NME5: variants seen among roughly 807,000 people sequenced by gnomAD.
The protein encoded by NME5 is nucleoside diphosphate kinase 5.
Under a neutral mutation model 21.6 loss-of-function variants are expected in NME5, and 18 were observed. That is an observed-to-expected ratio of 0.83 (90% CI 0.58 to 1.24). NME5 has a LOEUF of 1.24. Among genes scored for constraint, NME5 ranks in the 50% most tolerant of loss-of-function variants. The probability of loss-of-function intolerance (pLI) is 0.00; values close to 1 mark genes in which losing one functional copy is unlikely to be tolerated. For missense variants in NME5, 223 were observed against 255.4 expected (o/e 0.87, Z 0.86); for synonymous variants, 70 against 80.6 (o/e 0.87, Z 0.71).
At chr5:138,120,411 G>C (rs1751262083) in intron 4 of NME5, among the ~76,000 whole-genome samples, 1 of 151,706 alleles carries the variant, frequency 6.6e-6, no homozygotes, top group African/African-American at 2.4e-5. Context: ...TAATTTTTTT[G>C]TATTTTTTAG....
chr5:138,135,895 G>A (rs1751687427), intron 2 of NME5, among the ~76,000 whole-genome samples: 1 of 151,958 alleles, frequency 6.6e-6, no homozygotes, highest in African/African-American at 2.4e-5. Flanking sequence ...ATATTACTTT[G>A]TCTCTATCAC....
intron 2 of NME5, among the ~76,000 whole-genome samples, chr5:138,134,432 T>C (rs956820279): frequency 3.3e-5 from 5 of 151,776 alleles, no homozygotes; most frequent in Non-Finnish European, 7.4e-5. Flanking sequence ...TTAGTAGAAA[T>C]GGGGCTTCAC....
intron 5 of NME5, 34 bp from the exon 6 acceptor site, chr5:138,115,798 A>G (rs1234162775): frequency 7.0e-7 from 1 of 1,427,108 alleles, no homozygotes; most frequent in African/African-American, 1.4e-5. Context: ...TAAGTTAAGA[A>G]ACAGTTACAT....
At chr5:138,126,564 C>T (rs184117291) in intron 4 of NME5, among the ~76,000 whole-genome samples, 113 of 121,072 alleles carry the variant, frequency 9.3e-4, no homozygotes, top group Non-Finnish European at 1.7e-3. Context: ...AAGAAAATTA[C>T]AGTTTAGGAA....
At chr5:138,119,114 C>T (rs991077548) in intron 4 of NME5, among the ~76,000 whole-genome samples, 178 bp from the exon 5 acceptor site, 14 of 152,002 alleles carry the variant, frequency 9.2e-5, no homozygotes, top group Non-Finnish European at 1.9e-4. Flanking sequence ...ACTGCAACCT[C>T]CTCCTGGGTT....
intron 5 of NME5, among the ~76,000 whole-genome samples, chr5:138,117,477 T>G (rs1581374246): frequency 6.6e-6 from 1 of 151,926 alleles, no homozygotes; most frequent in Non-Finnish European, 1.5e-5. Flanking sequence ...GGGTTTAACA[T>G]CTAGAAATAC....
Position 138,139,409 on chromosome 5 carries a change from GA to G in NME5, c.-45del. 1.0e-6 allele frequency: 1 copy of G among 985,574 alleles called. No homozygotes were observed. Among genetic ancestry groups the G allele is most frequent in the Non-Finnish European group, 1.2e-6 (1 of 830,088 alleles). The allele number at this position is 985,574 out of a possible 1,614,324, so 61.1% of individuals were successfully genotyped here. ...CTCATATGGTACAACTTGTTGCTAG[GA>G]GACCTGAAGCCCCAGCGTGGGGACG... On this transcript the variant is annotated 5_prime_UTR_variant, in exon 1 of 6. Coordinates refer to ENST00000265191, the MANE Select transcript of NME5 (RefSeq NM_003551.3).
chr5:138,118,243 A>G (rs976137432), intron 5 of NME5, among the ~76,000 whole-genome samples: 5 of 149,324 alleles, frequency 3.3e-5, no homozygotes, highest in African/African-American at 9.8e-5. Context: ...CTCCTGCCTC[A>G]GCCTCCCAAG....
At chr5:138,132,304 C>T (rs1751589198) in intron 2 of NME5, among the ~76,000 whole-genome samples, 1 of 152,078 alleles carries the variant, frequency 6.6e-6, no homozygotes, top group Non-Finnish European at 1.5e-5. Flanking sequence ...GAGCCGAAAT[C>T]ATGCCATTGC....
intron 4 of NME5, among the ~76,000 whole-genome samples, chr5:138,119,657 CTTT>C (rs537692199): frequency 7.9e-5 from 10 of 126,984 alleles, no homozygotes; most frequent in Non-Finnish European, 1.6e-4. Context: ...CTTTTCTTTT[CTTT>C]ATTTTTTTTT....
At chr5:138,137,922 C>T (rs1751739889) in intron 2 of NME5, among the ~76,000 whole-genome samples, 1 of 151,464 alleles carries the variant, frequency 6.6e-6, no homozygotes, top group African/African-American at 2.4e-5. Context: ...TTGCTTGAAC[C>T]GGGACCTGGA....
chr5:138,130,898 C>T (rs1241540354), intron 2 of NME5, among the ~76,000 whole-genome samples: 1 of 151,390 alleles, frequency 6.6e-6, no homozygotes, highest in Non-Finnish European at 1.5e-5. Context: ...TCCACTCCAG[C>T]CTGGGTGACA....
intron 4 of NME5, 67 bp from the exon 5 acceptor site, chr5:138,119,003 G>A: frequency 1.1e-6 from 1 of 925,788 alleles, no homozygotes; most frequent in South Asian, 1.6e-5. Flanking sequence ...TCATTAAAAA[G>A]GTTCTTTTTA....
chr5:138,129,333 C>T lies in NME5; in HGVS notation c.265G>A (p.Ala89Thr). 6.2e-7 allele frequency: 1 copy of T among 1,613,968 alleles called. No homozygotes were observed. Among genetic ancestry groups the T allele is most frequent in the Non-Finnish European group, 8.5e-7 (1 of 1,179,940 alleles). The change falls in exon 3 of 6, where the codon GCC (alanine) becomes ACC (threonine). Residue 89 changes from alanine to threonine, a missense_variant. Physicochemically the swap from Ala to Thr is moderately conservative, Grantham distance 58 (BLOSUM62 0). Coordinates refer to ENST00000265191, the MANE Select transcript of NME5 (RefSeq NM_003551.3). The part of the protein sequence containing the change: ...LVAMILARHK[A>T]ISYWLELLGP... ...AAAAGTTCTAACCAATAAGAGATGG[C>T]TTTATGTCTAGCTAATATCATGGCG...
intron 4 of NME5, among the ~76,000 whole-genome samples, chr5:138,126,662 G>C (rs965534132): frequency 1.3e-5 from 2 of 151,722 alleles, no homozygotes; most frequent in African/African-American, 4.8e-5. Context: ...AAAAGCTAAA[G>C]AGAAGTCAGG....
chr5:138,131,858 C>T (rs1365166350), intron 2 of NME5, among the ~76,000 whole-genome samples: 4 of 151,914 alleles, frequency 2.6e-5, no homozygotes, highest in Admixed American at 6.6e-5. Flanking sequence ...ATTCTCCTGC[C>T]GCAGCCTCCT....
chr5:138,125,914 A>G (rs1232236677), intron 4 of NME5, among the ~76,000 whole-genome samples: 1 of 152,176 alleles, frequency 6.6e-6, no homozygotes, highest in East Asian at 1.9e-4. Flanking sequence ...ACGTCCAGCC[A>G]GCATTACTTT....
In NME5 at chr5:138,129,484, A is replaced by G; in HGVS notation, c.130-16T>C. The G allele has an allele frequency of 6.3e-7, 1 of 1,583,392 alleles. No homozygotes were observed. Among genetic ancestry groups the G allele is most frequent in the Non-Finnish European group, 8.7e-7 (1 of 1,152,890 alleles). ...GTTTTCTTCTCTATAAAAGACACAA[A>G]GTCAACAAAAGCATTTAAAATGACA... On this transcript the variant is annotated splice_polypyrimidine_tract_variant and intron_variant, in intron 2 of 5. Coordinates refer to ENST00000265191, the MANE Select transcript of NME5 (RefSeq NM_003551.3).
chr5:138,127,329 T>A (rs951160355), intron 4 of NME5: 1 of 376,508 alleles, frequency 2.7e-6, no homozygotes, highest in African/African-American at 2.2e-5. Flanking sequence ...GAAATGTATT[T>A]ATTTTGAATT....
Sources: gnomAD v4.1 joint callset for allele counts (sites outside exome capture counted in the v4.1 genomes callset) on GRCh38, gnomAD v4.1.1 for gene constraint, MANE v1.5 for transcripts, NCBI Gene and HGNC (gene_info 2026-07-23, HGNC 2026-07-21) for gene names.